Variants in HHAT observed in about 807,000 individuals in gnomAD.
The protein encoded by HHAT is hedgehog acyltransferase.
Under a neutral mutation model 70.8 loss-of-function variants are expected in HHAT, and 47 were observed. The observed-to-expected ratio is 0.66, with a 90% CI of 0.53 to 0.85. HHAT has a LOEUF of 0.85. Ranked by LOEUF, HHAT falls within the 40% of genes least tolerant of loss-of-function variation. The pLI, the probability that HHAT is intolerant of heterozygous loss-of-function variation, is 0.00. For synonymous variants in HHAT, 228 were observed against 247.6 expected (o/e 0.92, Z 0.74); for missense variants, 609 against 604.8 (o/e 1.01, Z -0.07).
In HHAT at chr1:210,438,502, C is replaced by CAT. The variant is rs199698237; in HGVS notation, c.856+20186_856+20187dup. On this transcript the variant is annotated intron_variant, in intron 7 of 11. Transcript: ENST00000261458. ...AAACTGCTCTGAAGTGATATACCCA[C>CAT]ATATATATATGTATGTTTATTTCTG... Among the ~76,000 whole-genome samples, 59 of 151,862 alleles carry CAT rather than the reference C, an allele frequency of 3.9e-4. No individual in the cohort carries two copies. The East Asian group carries it at 9.4e-3, about 24-fold the overall frequency.
chr1:210,535,165 T>C (rs548739371), intron 9 of HHAT, among the ~76,000 whole-genome samples: 2 of 152,344 alleles, frequency 1.3e-5, no homozygotes, highest in Admixed American at 6.5e-5. Context: ...GCCACTGTTA[T>C]GCATGGAGCT....
At chr1:210,600,530 C>T (rs924571465) in intron 10 of HHAT, among the ~76,000 whole-genome samples, 2 of 152,118 alleles carry the variant, frequency 1.3e-5, no homozygotes, top group Admixed American at 6.6e-5. Flanking sequence ...AGGAATTAGT[C>T]TTCCTGGTAG....
intron 10 of HHAT, among the ~76,000 whole-genome samples, chr1:210,622,128 G>A (rs1049613546): frequency 6.6e-6 from 1 of 152,244 alleles, no homozygotes; most frequent in South Asian, 2.1e-4. Context: ...CTGAAGACTC[G>A]CCCTCCAATT....
At chr1:210,532,116 ATG>A (rs2095321392) in intron 9 of HHAT, among the ~76,000 whole-genome samples, 1 of 152,246 alleles carries the variant, frequency 6.6e-6, no homozygotes. Flanking sequence ...TTTGCAGACA[ATG>A]TGTTTTTCAT....
At chr1:210,561,636 T>C (rs1021585012) in intron 9 of HHAT, among the ~76,000 whole-genome samples, 2 of 152,260 alleles carry the variant, frequency 1.3e-5, no homozygotes, top group Non-Finnish European at 2.9e-5. Flanking sequence ...TTCTCTTTTT[T>C]CTGCATTTAT....
chr1:210,481,586 A>G (rs1236750576), intron 8 of HHAT, among the ~76,000 whole-genome samples: 3 of 152,214 alleles, frequency 2.0e-5, no homozygotes, highest in African/African-American at 7.2e-5. Flanking sequence ...ATGAGAGCTA[A>G]AGCATGGAGG....
intron 9 of HHAT, among the ~76,000 whole-genome samples, chr1:210,565,260 C>G (rs2501909): frequency 0.82 from 124,415 of 152,082 alleles, 52,272 homozygotes; most frequent in Non-Finnish European, 0.92. Flanking sequence ...TGATGGTCTT[C>G]ACTTTCTCAG....
At chr1:210,665,601 C>T (rs144186920) in intron 11 of HHAT, among the ~76,000 whole-genome samples, 1 of 152,126 alleles carries the variant, frequency 6.6e-6, no homozygotes, top group Admixed American at 6.5e-5. Flanking sequence ...AGAAAACTTG[C>T]CTTGGTGGAA....
At chr1:210,435,015 A>G (rs1195295939) in intron 7 of HHAT, among the ~76,000 whole-genome samples, 2 of 151,870 alleles carry the variant, frequency 1.3e-5, no homozygotes, top group African/African-American at 4.9e-5. Context: ...GTTTTGAAAC[A>G]TACAATCAAT....
At chr1:210,670,566 G>A (rs946980492) in intron 11 of HHAT, among the ~76,000 whole-genome samples, 7 of 152,136 alleles carry the variant, frequency 4.6e-5, no homozygotes, top group South Asian at 2.1e-4. Context: ...CGGAATTCAC[G>A]TGGACCTGGT....
intron 9 of HHAT, among the ~76,000 whole-genome samples, chr1:210,567,214 C>T (rs1193074814): frequency 6.6e-6 from 1 of 152,240 alleles, no homozygotes; most frequent in Non-Finnish European, 1.5e-5. Flanking sequence ...TCAGTTTCTC[C>T]TCCACCATTA....
At chr1:210,398,079 A>C (rs1180641316) in intron 4 of HHAT, among the ~76,000 whole-genome samples, 2 of 152,192 alleles carry the variant, frequency 1.3e-5, no homozygotes, top group African/African-American at 4.8e-5. Flanking sequence ...GCTCACTGTA[A>C]CCTCTGCCTC....
At chr1:210,648,449 A>G (rs1428092145) in intron 11 of HHAT, among the ~76,000 whole-genome samples, 3 of 152,164 alleles carry the variant, frequency 2.0e-5, no homozygotes, top group Non-Finnish European at 4.4e-5. Context: ...CCAGCAGTGT[A>G]CTTGGTGAGG....
intron 10 of HHAT, among the ~76,000 whole-genome samples, chr1:210,612,144 C>A (rs1275120906): frequency 1.3e-5 from 2 of 152,066 alleles, no homozygotes; most frequent in African/African-American, 4.8e-5. Context: ...TGGTAAAGGC[C>A]TGTTAATGTT....
intron 3 of HHAT, chr1:210,374,251 T>C (rs536545306): frequency 1.4e-5 from 2 of 138,348 alleles, no homozygotes; most frequent in Admixed American, 7.1e-5. Flanking sequence ...TTATTCGATC[T>C]GAAGAGAAAC....
chr1:210,329,578 C>A, intron 1 of HHAT: 1 of 687,888 alleles, frequency 1.5e-6, no homozygotes, highest in African/African-American at 1.9e-5. Flanking sequence ...TGCGGAAAAA[C>A]CCTCCCGCTA....
chr1:210,490,678 A>AT (rs1422983647), intron 8 of HHAT, among the ~76,000 whole-genome samples: 2 of 152,214 alleles, frequency 1.3e-5, no homozygotes, highest in Admixed American at 1.3e-4. Context: ...AACGAAAGAC[A>AT]TACCTGCTGA....
At chr1:210,410,359 T>C (rs991769059) in intron 6 of HHAT, among the ~76,000 whole-genome samples, 5 of 151,088 alleles carry the variant, frequency 3.3e-5, no homozygotes, top group Non-Finnish European at 7.4e-5. Flanking sequence ...CCTGGCCGGA[T>C]TTTTTAAACA....
At position 210,519,294 on chromosome 1, in the gene HHAT, A is replaced by G. The variant is rs181302230; in HGVS notation, c.1043+6106A>G. Among the ~76,000 whole-genome samples the G allele has an allele frequency of 1.3e-3, 200 of 152,262 alleles. 1 individual carries two copies. Among genetic ancestry groups the G allele is most frequent in the Middle Eastern group, 6.8e-3 (2 of 294 alleles). On this transcript the variant is annotated intron_variant, in intron 9 of 11. Transcript: ENST00000261458. ...TGATTCCATCTCTTGGCTATTGTCA[A>G]TAGTGCTGCAGTAAACATGGGAGTG...
Sources: allele counts gnomAD v4.1 joint callset (sites outside exome capture counted in the v4.1 genomes callset), GRCh38; gene constraint gnomAD v4.1.1; transcripts MANE v1.5; gene names NCBI Gene and HGNC (gene_info 2026-07-23, HGNC 2026-07-21).